Variants in NRG1 observed in about 807,000 individuals in gnomAD.
The protein encoded by NRG1 is pro-neuregulin-1, membrane-bound isoform.
Under a neutral mutation model 63.8 loss-of-function variants are expected in NRG1, and 18 were observed. The ratio of observed to expected loss-of-function variants is 0.28; its 90% confidence interval spans 0.19 to 0.42. NRG1 has a LOEUF of 0.42. Among genes scored for constraint, NRG1 ranks in the 10% least tolerant of loss-of-function variants. The pLI, the probability that NRG1 is intolerant of heterozygous loss-of-function variation, is 1.00. For synonymous variants in NRG1, 302 were observed against 301.3 expected, an observed-to-expected ratio of 1.00 and a Z score of -0.02; for missense variants, 762 against 814.7, an observed-to-expected ratio of 0.94 and a Z score of 0.79.
intron 1 of NRG1, among the ~76,000 whole-genome samples, chr8:31,745,066 A>C (rs1815709411): frequency 6.6e-6 from 1 of 152,026 alleles, no homozygotes; most frequent in African/African-American, 2.4e-5. Context: ...TTGCAGAGTT[A>C]ATGCTTGTCA....
At chr8:32,528,863 A>G (rs769568763) in intron 1 of NRG1, among the ~76,000 whole-genome samples, 7 of 152,242 alleles carry the variant, frequency 4.6e-5, no homozygotes, top group Non-Finnish European at 7.3e-5. Flanking sequence ...TTGCATGACT[A>G]TTCCAGTCCT....
chr8:32,011,619 T>C (rs1256524264), intron 1 of NRG1, among the ~76,000 whole-genome samples: 2 of 152,004 alleles, frequency 1.3e-5, no homozygotes, highest in Non-Finnish European at 2.9e-5. Context: ...TCCAAATTGA[T>C]CTCTGATGCT....
At position 32,290,305 on chromosome 8, in the gene NRG1, A is replaced by T. The variant is rs564423408; in HGVS notation, c.38-305523A>T. 2.0e-5 allele frequency among the ~76,000 whole-genome samples: 3 copies of T among 152,230 alleles called. No individual in the cohort carries two copies. In the South Asian group the frequency reaches 6.2e-4, roughly 32 times the overall value. ...TATTTGATACTATGGGTTTCATTTC[A>T]TACAGTCATATGAAATGAAATAATT... On this transcript the variant is annotated intron_variant, in intron 1 of 10. Coordinates refer to the NRG1 transcript ENST00000519301.
At chr8:31,952,496 A>G (rs1349941994) in intron 1 of NRG1, among the ~76,000 whole-genome samples, 3 of 152,258 alleles carry the variant, frequency 2.0e-5, no homozygotes, top group African/African-American at 7.2e-5. Flanking sequence ...GCACTAAGTT[A>G]GGAAAAGTAC....
At chr8:32,149,998 T>A (rs973594687) in intron 1 of NRG1, among the ~76,000 whole-genome samples, 7 of 152,194 alleles carry the variant, frequency 4.6e-5, no homozygotes, top group African/African-American at 1.7e-4. Flanking sequence ...TAGAATTTTT[T>A]AAAAATCATC....
At chr8:32,298,786 TG>T (rs916090067) in intron 1 of NRG1, among the ~76,000 whole-genome samples, 2 of 150,614 alleles carry the variant, frequency 1.3e-5, no homozygotes, top group Non-Finnish European at 3.0e-5. Context: ...CCCAGCACTT[TG>T]GGAGGCCAAG....
chr8:31,908,516 C>T (rs954044820), intron 1 of NRG1, among the ~76,000 whole-genome samples: 1 of 152,146 alleles, frequency 6.6e-6, no homozygotes, highest in African/African-American at 2.4e-5. Flanking sequence ...ACAATACACA[C>T]TCACATTTAA....
chr8:32,055,581 C>CAAAT (rs1822781182), intron 1 of NRG1, among the ~76,000 whole-genome samples: 1 of 151,712 alleles, frequency 6.6e-6, no homozygotes, highest in South Asian at 2.1e-4. Flanking sequence ...TGACATTTGG[C>CAAAT]AAATTATATA....
rs1218098386 is a variant in NRG1, at chr8:32,106,638, A to ATT, written c.37+467208_37+467209insTT. On this transcript the variant is annotated intron_variant, in intron 1 of 10. Transcript: ENST00000519301. ...ATGTTACAGAGATCTCTTTGGTAATATGACTATTTTAATAAAATATTCACA... is the reference window on the plus strand; with the variant it reads ...ATGTTACAGAGATCTCTTTGGTAATATTTGACTATTTTAATAAAATATTCACA... 2.0e-5 allele frequency among the ~76,000 whole-genome samples: 3 copies of ATT among 152,308 alleles called. No homozygotes were observed. The East Asian group carries it at 5.8e-4, about 29-fold the overall frequency.
chr8:32,344,755 A>G (rs1010025741), intron 1 of NRG1, among the ~76,000 whole-genome samples: 3 of 151,864 alleles, frequency 2.0e-5, no homozygotes, highest in African/African-American at 4.8e-5. Context: ...GCCAAGAACC[A>G]CATCCCAGTG....
intron 1 of NRG1, among the ~76,000 whole-genome samples, chr8:32,042,595 A>C (rs997956188): frequency 6.6e-6 from 1 of 152,196 alleles, no homozygotes; most frequent in Non-Finnish European, 1.5e-5. Context: ...CAGATCTTGG[A>C]ATTACCTGAC....
intron 1 of NRG1, among the ~76,000 whole-genome samples, chr8:32,538,419 T>C (rs1832241393): frequency 1.3e-5 from 2 of 152,192 alleles, no homozygotes; most frequent in Non-Finnish European, 2.9e-5. Flanking sequence ...CCCATGATGG[T>C]TCATGAGAAA....
chr8:32,471,560 G>T (rs1471636919), intron 1 of NRG1, among the ~76,000 whole-genome samples: 1 of 152,044 alleles, frequency 6.6e-6, no homozygotes, highest in African/African-American at 2.4e-5. Context: ...GATGATACAA[G>T]TTGAATCTAG....
chr8:32,462,595 CTTTTTTTTTTTT>C lies in NRG1; in HGVS notation c.38-133219_38-133208del, dbSNP rs58485445. 5.0e-3 allele frequency among the ~76,000 whole-genome samples: 360 copies of C among 72,338 alleles called. 2 individuals carry two copies. Among genetic ancestry groups the C allele is most frequent in the Middle Eastern group, 0.014 (1 of 74 alleles). 47.5% of individuals were successfully genotyped at this position (72,338 alleles called of 152,430 possible). ...CATTAGATCTCTAGACACACTGATTCTTTTTTTTTTTTTTTTTTTTTTTTTGAGACGGAGTTT... is the reference window on the plus strand; with the variant it reads ...CATTAGATCTCTAGACACACTGATTCTTTTTTTTTTTTTGAGACGGAGTTT... On this transcript the variant is annotated intron_variant, in intron 1 of 10. Coordinates refer to the NRG1 transcript ENST00000519301.
chr8:32,728,679 G>A, intron 6 of NRG1: 2 of 983,366 alleles, frequency 2.0e-6, no homozygotes, highest in Non-Finnish European at 2.4e-6. Flanking sequence ...CATCCCTGTG[G>A]GTGACAGCAG....
At chr8:32,230,354 T>C (rs960272790) in intron 1 of NRG1, among the ~76,000 whole-genome samples, 1 of 152,180 alleles carries the variant, frequency 6.6e-6, no homozygotes, top group Admixed American at 6.5e-5. Context: ...TAAAGTAAGA[T>C]GGCTGTTTGG....
intron 1 of NRG1, among the ~76,000 whole-genome samples, chr8:32,215,392 A>C (rs1023614954): frequency 6.6e-6 from 1 of 152,292 alleles, no homozygotes; most frequent in South Asian, 2.1e-4. Context: ...CTAGCTGTTA[A>C]CACCTCTGCA....
At chr8:31,660,569 T>C (rs1805890934) in intron 1 of NRG1, among the ~76,000 whole-genome samples, 1 of 152,244 alleles carries the variant, frequency 6.6e-6, no homozygotes, top group South Asian at 2.1e-4. Context: ...ATTTGCCCTA[T>C]CTTTGGGTAA....
chr8:32,266,891 A>T (rs1305510294), intron 1 of NRG1, among the ~76,000 whole-genome samples: 4 of 151,248 alleles, frequency 2.6e-5, no homozygotes, highest in Non-Finnish European at 5.9e-5. Context: ...AAAAAAAAAA[A>T]AAAAAAAATT....
Sources: gnomAD v4.1 joint callset for allele counts (sites outside exome capture counted in the v4.1 genomes callset) on GRCh38, gnomAD v4.1.1 for gene constraint, MANE v1.5 for transcripts, NCBI Gene and HGNC (gene_info 2026-07-23, HGNC 2026-07-21) for gene names.